GPHN: variants seen among roughly 807,000 people sequenced by gnomAD.
GPHN encodes the protein gephyrin.
In GPHN, 17 loss-of-function variants were observed where a neutral mutation model predicts 95.5. That is an observed-to-expected ratio of 0.18 (90% CI 0.12 to 0.27). The LOEUF (loss-of-function observed/expected upper bound fraction) is 0.27. Ranked by LOEUF, GPHN falls within the 10% of genes least tolerant of loss-of-function variation. GPHN has a pLI of 1.00. For synonymous variants in GPHN, 320 were observed against 322.5 expected, an observed-to-expected ratio of 0.99 and a Z score of 0.08; for missense variants, 660 against 978.1, an observed-to-expected ratio of 0.67 and a Z score of 4.34.
At chr14:67,006,455 C>A (rs2072617647) in intron 9 of GPHN, among the ~76,000 whole-genome samples, 1 of 152,114 alleles carries the variant, frequency 6.6e-6, no homozygotes, top group South Asian at 2.1e-4. Flanking sequence ...AAATCTAATT[C>A]TGTTTGGGCT....
At chr14:66,921,986 G>A (rs531706900) in intron 6 of GPHN, among the ~76,000 whole-genome samples, 8 of 152,200 alleles carry the variant, frequency 5.3e-5, no homozygotes, top group East Asian at 3.9e-4. Flanking sequence ...AACAAAGGGC[G>A]CTGGGATAAT....
chr14:67,440,229 G>A, the GPHN span, among the ~76,000 whole-genome samples: 4 of 152,194 alleles, frequency 2.6e-5, no homozygotes, highest in Admixed American at 6.5e-5. Context: ...ATGGCAGGAA[G>A]TCTGACTTCT....
chr14:66,777,083 T>TAAA (rs763738096), intron 3 of GPHN, among the ~76,000 whole-genome samples: 2 of 107,390 alleles, frequency 1.9e-5, no homozygotes, highest in Admixed American at 9.3e-5. Flanking sequence ...GCAAGACTAA[T>TAAA]AAAAAAAAAA....
intron 2 of GPHN, among the ~76,000 whole-genome samples, chr14:66,755,766 G>T (rs1371482183): frequency 6.6e-6 from 1 of 152,042 alleles, no homozygotes; most frequent in Non-Finnish European, 1.5e-5. Context: ...TATATTTCAA[G>T]CGTGAGTCAG....
At chr14:66,806,355 G>C (rs2060541960) in intron 3 of GPHN, among the ~76,000 whole-genome samples, 1 of 152,174 alleles carries the variant, frequency 6.6e-6, no homozygotes, top group African/African-American at 2.4e-5. Context: ...GACAGTCCTT[G>C]GAGACATTTT....
At chr14:67,569,523 G>A in the GPHN span, among the ~76,000 whole-genome samples, 2 of 146,800 alleles carry the variant, frequency 1.4e-5, no homozygotes, top group Non-Finnish European at 3.0e-5. Flanking sequence ...GGCCGTGGGT[G>A]GGAGGAGCCA....
chr14:67,031,056 T>G (rs993971946), intron 10 of GPHN, among the ~76,000 whole-genome samples: 2 of 152,082 alleles, frequency 1.3e-5, no homozygotes, highest in African/African-American at 4.8e-5. Context: ...CTCCTTCTCT[T>G]CAAATTATCT....
intron 11 of GPHN, among the ~76,000 whole-genome samples, chr14:67,070,715 A>AAAAAAAAAATATATATATAT: frequency 5.0e-5 from 4 of 80,698 alleles, no homozygotes; most frequent in South Asian, 4.3e-4. Context: ...AAAAAAAAAA[A>AAAAAAAAAATATATATATAT]ATATATATAT....
intron 2 of GPHN, among the ~76,000 whole-genome samples, chr14:66,690,207 T>G (rs900882898): frequency 6.6e-6 from 1 of 152,140 alleles, no homozygotes; most frequent in Non-Finnish European, 1.5e-5. Flanking sequence ...TTGTGATGTA[T>G]CTCATATTTT....
At chr14:67,514,761 C>G in the GPHN span, among the ~76,000 whole-genome samples, 1 of 152,170 alleles carries the variant, frequency 6.6e-6, no homozygotes, top group African/African-American at 2.4e-5. Context: ...TCGCTTCCCC[C>G]TGACACCCCT....
chr14:67,593,893 G>A, the GPHN span: 2 of 1,613,574 alleles, frequency 1.2e-6, no homozygotes, highest in Admixed American at 1.7e-5. Context: ...TCACAAAATG[G>A]AGATAACCAA....
chr14:67,201,491 T>C, the GPHN span: 1 of 455,924 alleles, frequency 2.2e-6, no homozygotes, highest in African/African-American at 2.0e-5. Context: ...CAGTAGAAGA[T>C]ATTCATCTCA....
chr14:67,468,995 T>C, the GPHN span, among the ~76,000 whole-genome samples: 2 of 152,154 alleles, frequency 1.3e-5, no homozygotes. Context: ...TGAAGCTCCA[T>C]AAAGGAGACC....
At chr14:67,032,921 A>G (rs1000626372) in intron 10 of GPHN, among the ~76,000 whole-genome samples, 2 of 152,212 alleles carry the variant, frequency 1.3e-5, no homozygotes, top group African/African-American at 4.8e-5. Flanking sequence ...TCTAGAAACC[A>G]ACCTCAAAGA....
chr14:67,492,189 G>A, the GPHN span, among the ~76,000 whole-genome samples: 1 of 152,172 alleles, frequency 6.6e-6, no homozygotes, highest in East Asian at 1.9e-4. Flanking sequence ...GGTGGTCTCT[G>A]GTCCCACGTC....
intron 4 of GPHN, among the ~76,000 whole-genome samples, chr14:66,843,424 T>G (rs1305562904): frequency 6.6e-6 from 1 of 152,204 alleles, no homozygotes; most frequent in Admixed American, 6.5e-5. Flanking sequence ...TACACTTGCC[T>G]TGTGCCACTG....
At chr14:67,502,456 C>CTTT in the GPHN span, among the ~76,000 whole-genome samples, 11,169 of 137,562 alleles carry the variant, frequency 0.081, 541 homozygotes, top group Middle Eastern at 0.11. Context: ...AAGGTGATTT[C>CTTT]TTTTTTTTTT....
the GPHN span, among the ~76,000 whole-genome samples, chr14:67,482,051 A>G: frequency 6.6e-6 from 1 of 152,224 alleles, no homozygotes; most frequent in South Asian, 2.1e-4. Context: ...TTCAAATCCG[A>G]GAGTCCTCAT....
chr14:67,577,519 G>A, the GPHN span: 3 of 755,116 alleles, frequency 4.0e-6, no homozygotes, highest in Non-Finnish European at 6.7e-6. Context: ...TGGAGAGGAA[G>A]GGAAGGAAAC....
Sources: gnomAD v4.1 joint callset for allele counts (sites outside exome capture counted in the v4.1 genomes callset) on GRCh38, gnomAD v4.1.1 for gene constraint, MANE v1.5 for transcripts, NCBI Gene and HGNC (gene_info 2026-07-23, HGNC 2026-07-21) for gene names.